The following TCF4 variants were observed in gnomAD, a reference collection of about 807,000 sequenced individuals.
The protein encoded by TCF4 is transcription factor 4.
TCF4 carries 3 observed loss-of-function variants against 82.1 expected under a neutral mutation model. The observed-to-expected ratio is 0.04, with a 90% CI of 0.02 to 0.09. The LOEUF (loss-of-function observed/expected upper bound fraction) is 0.09, where lower values mean the gene tolerates loss of function less well. Among genes scored for constraint, TCF4 ranks in the 10% least tolerant of loss-of-function variants. The pLI is 1.00. For missense variants in TCF4, 518 were observed against 852.7 expected (o/e 0.61, Z 4.89); for synonymous variants, 276 against 309.6 (o/e 0.89, Z 1.14).
At chr18:55,571,242 C>G (rs2097463640) in intron 3 of TCF4, among the ~76,000 whole-genome samples, 1 of 152,140 alleles carries the variant, frequency 6.6e-6, no homozygotes, top group Admixed American at 6.6e-5. Context: ...TAACATACAC[C>G]ACATGCAACA....
intron 8 of TCF4, among the ~76,000 whole-genome samples, chr18:55,292,902 A>G (rs530822920): frequency 1.4e-4 from 22 of 152,082 alleles, no homozygotes; most frequent in Non-Finnish European, 2.9e-4. Context: ...TGTGTATAGC[A>G]TATATGTATG....
intron 3 of TCF4, chr18:55,547,056 A>C (rs577268235): frequency 6.6e-6 from 1 of 152,350 alleles, no homozygotes; most frequent in Non-Finnish European, 1.5e-5. Flanking sequence ...CCGATTCCAG[A>C]CAGATTCCCC....
chr18:55,350,362 A>C lies in TCF4; in HGVS notation c.546T>G (p.Ser182=). 6.2e-7 allele frequency: 1 copy of C among 1,613,698 alleles called. No individual in the cohort carries two copies. Among genetic ancestry groups the C allele is most frequent in the Non-Finnish European group, 8.5e-7 (1 of 1,179,676 alleles). Residue 182 remains serine (S), a synonymous_variant, in exon 8 of 20, where the codon TCT becomes TCG. Coordinates refer to ENST00000354452, the MANE Select transcript of TCF4 (RefSeq NM_001083962.2). Reference sequence around the variant, plus strand: ...AGCAGAAACAAGCAGTACTTACTGAAGATGGCAAACCTGGAGGAACTTTTC... The same window carrying C: ...AGCAGAAACAAGCAGTACTTACTGACGATGGCAAACCTGGAGGAACTTTTC... ...KVRKVPPGLP[S]SVYAPSASTA...
chr18:55,301,760 TA>T (rs2068347636), intron 8 of TCF4, among the ~76,000 whole-genome samples: 1 of 104,438 alleles, frequency 9.6e-6, no homozygotes, highest in African/African-American at 3.8e-5. Context: ...TTGCAAACAG[TA>T]ATCTAGTGAG....
At chr18:55,297,170 T>TTTTTA (rs1555836667) in intron 8 of TCF4, among the ~76,000 whole-genome samples, 2 of 97,984 alleles carry the variant, frequency 2.0e-5, no homozygotes, top group African/African-American at 4.3e-5. Flanking sequence ...TTTTTTTTTT[T>TTTTTA]ATCCCTTAGG....
At chr18:55,593,226 T>G (rs2097687485), upstream of TCF4, among the ~76,000 whole-genome samples, 1 of 152,150 alleles carries the variant, frequency 6.6e-6, no homozygotes, top group Non-Finnish European at 1.5e-5. Flanking sequence ...TTCTGTCTCT[T>G]TGTGACCTTG....
At chr18:55,610,282 G>A (rs1202127050) in intron 2 of TCF4, among the ~76,000 whole-genome samples, 1 of 152,236 alleles carries the variant, frequency 6.6e-6, no homozygotes, top group Non-Finnish European at 1.5e-5. Flanking sequence ...TTTTCATGCA[G>A]AGGGACTTCT....
chr18:55,622,759 C>T (rs2097722690), intron 2 of TCF4, among the ~76,000 whole-genome samples: 1 of 152,074 alleles, frequency 6.6e-6, no homozygotes, highest in South Asian at 2.1e-4. Flanking sequence ...CTCTCTTTCT[C>T]ATTCTCTAGG....
intron 3 of TCF4, among the ~76,000 whole-genome samples, chr18:55,520,788 T>C (rs1254173750): frequency 1.3e-5 from 2 of 152,184 alleles, no homozygotes; most frequent in South Asian, 2.1e-4. Flanking sequence ...GCAGGAATCA[T>C]AACAGAATTG....
intron 8 of TCF4, among the ~76,000 whole-genome samples, chr18:55,309,468 G>A (rs932449971): frequency 6.6e-6 from 1 of 152,140 alleles, no homozygotes; most frequent in East Asian, 1.9e-4. Context: ...CTACCTCACT[G>A]AACAGGCCAG....
chr18:55,438,213 A>C (rs1458473227), intron 5 of TCF4, among the ~76,000 whole-genome samples: 1 of 151,884 alleles, frequency 6.6e-6, no homozygotes, highest in Admixed American at 6.6e-5. Flanking sequence ...AAAAAAAAAA[A>C]AAAAAAGTAA....
chr18:55,501,415 T>C (rs566215896), intron 3 of TCF4, among the ~76,000 whole-genome samples: 2 of 152,308 alleles, frequency 1.3e-5, no homozygotes, highest in African/African-American at 4.8e-5. Flanking sequence ...GTCAAATCAA[T>C]AGTGTTCTCA....
intron 14 of TCF4, among the ~76,000 whole-genome samples, chr18:55,256,472 G>A (rs1187663938): frequency 6.6e-6 from 1 of 152,108 alleles, no homozygotes; most frequent in African/African-American, 2.4e-5. Context: ...ACTATAGCAA[G>A]GAAGAACACA....
intron 3 of TCF4, among the ~76,000 whole-genome samples, chr18:55,529,270 A>T (rs2097030160): frequency 1.3e-5 from 2 of 152,198 alleles, no homozygotes; most frequent in African/African-American, 4.8e-5. Context: ...GATATTTCTG[A>T]TTTTGATACC....
intron 15 of TCF4, among the ~76,000 whole-genome samples, chr18:55,242,273 C>T (rs952729772): frequency 6.6e-6 from 1 of 152,134 alleles, no homozygotes; most frequent in African/African-American, 2.4e-5. Flanking sequence ...GCATAAACTT[C>T]AATAAGTTTG....
chr18:55,229,598 G>A (rs984251989), intron 17 of TCF4: 1 of 170,966 alleles, frequency 5.8e-6, no homozygotes, highest in African/African-American at 2.4e-5. Flanking sequence ...AGCTTAACAG[G>A]AGTAAGAAGA....
intron 3 of TCF4, among the ~76,000 whole-genome samples, chr18:55,538,017 T>TGCGC (rs756676190): frequency 0.039 from 5,358 of 138,536 alleles, 139 homozygotes; most frequent in Middle Eastern, 0.072. Flanking sequence ...TTTGCTAGTC[T>TGCGC]GCGCGCGCGC....
intron 3 of TCF4, among the ~76,000 whole-genome samples, chr18:55,565,733 A>G (rs1226268926): frequency 6.6e-6 from 1 of 152,180 alleles, no homozygotes; most frequent in African/African-American, 2.4e-5. Context: ...TATTAAAGAA[A>G]ATGTAGCATA....
intron 8 of TCF4, among the ~76,000 whole-genome samples, chr18:55,331,194 GAC>G (rs1350606137): frequency 2.0e-5 from 3 of 152,044 alleles, no homozygotes; most frequent in Non-Finnish European, 4.4e-5. Flanking sequence ...TCAGGGAAGA[GAC>G]AGACAGAAGC....
Sources: gnomAD v4.1 joint callset for allele counts (sites outside exome capture counted in the v4.1 genomes callset) on GRCh38, gnomAD v4.1.1 for gene constraint, MANE v1.5 for transcripts, NCBI Gene and HGNC (gene_info 2026-07-23, HGNC 2026-07-21) for gene names.